The following SESTD1 variants were observed in gnomAD, a reference collection of about 807,000 sequenced individuals.
SESTD1 encodes the protein SEC14 domain and spectrin repeat-containing protein 1.
In SESTD1, 43 loss-of-function variants were observed where a neutral mutation model predicts 101.7. The ratio of observed to expected loss-of-function variants is 0.42; its 90% CI spans 0.33 to 0.55. The LOEUF is 0.55. Ranked by LOEUF, SESTD1 falls within the 20% of genes least tolerant of loss-of-function variation. The probability of loss-of-function intolerance (pLI) is 0.07; values close to 1 mark genes in which losing one functional copy is unlikely to be tolerated. For synonymous variants in SESTD1, 283 were observed against 286.8 expected (o/e 0.99, Z 0.13); for missense variants, 647 against 815.1 (o/e 0.79, Z 2.51).
intron 5 of SESTD1, among the ~76,000 whole-genome samples, chr2:179,157,124 A>C (rs2045647562): frequency 6.6e-6 from 1 of 152,058 alleles, no homozygotes; most frequent in South Asian, 2.1e-4. Context: ...CTTTTACATT[A>C]GCTGCAAAAA....
At chr2:179,238,956 T>C (rs2047109372) in intron 1 of SESTD1, among the ~76,000 whole-genome samples, 1 of 152,222 alleles carries the variant, frequency 6.6e-6, no homozygotes, top group South Asian at 2.1e-4. Context: ...ATACATTAAC[T>C]ACTTACATGC....
intron 1 of SESTD1, among the ~76,000 whole-genome samples, chr2:179,206,500 A>C (rs1046679852): frequency 7.4e-6 from 1 of 135,032 alleles, no homozygotes. Context: ...CCCTGTAGGC[A>C]CTCCTGGTCC....
chr2:179,249,087 T>C lies in SESTD1; in HGVS notation c.-26+15412A>G, dbSNP rs568581168. 8.2e-4 allele frequency among the ~76,000 whole-genome samples: 114 copies of C among 139,578 alleles called. 1 individual carries two copies. Among genetic ancestry groups the C allele is most frequent in the Non-Finnish European group, 1.5e-3 (97 of 65,630 alleles). The allele number at this position is 139,578 out of a possible 152,430, so 91.6% of individuals were successfully genotyped here. A position where few individuals can be genotyped will look rare whatever the true frequency, so the allele number is the denominator to read the frequency against. On this transcript the variant is annotated intron_variant, in intron 1 of 17. Coordinates refer to ENST00000428443, the MANE Select transcript of SESTD1 (RefSeq NM_178123.5). ...GCCTGGGTGACAGAGTGAGATCCCGTCTTTAAGAAAAAAAAAAAAAAAAAA... is the reference window on the plus strand; with the variant it reads ...GCCTGGGTGACAGAGTGAGATCCCGCCTTTAAGAAAAAAAAAAAAAAAAAA...
intron 1 of SESTD1, among the ~76,000 whole-genome samples, chr2:179,244,511 A>C (rs2105549843): frequency 6.6e-6 from 1 of 152,106 alleles, no homozygotes; most frequent in East Asian, 1.9e-4. Context: ...AGGGAGTGGT[A>C]CAATATTTTT....
At chr2:179,110,180 G>A in intron 17 of SESTD1, 152 bp from the exon 18 acceptor site, 2 of 714,174 alleles carry the variant, frequency 2.8e-6, no homozygotes, top group South Asian at 2.5e-5. Context: ...TGTTTGAGCA[G>A]GAAATTCAGC....
At chr2:179,112,929 AAGAG>A (rs561445726) in intron 16 of SESTD1, 84 bp from the exon 17 acceptor site, 10 of 1,462,538 alleles carry the variant, frequency 6.8e-6, no homozygotes, top group African/African-American at 2.9e-5. Flanking sequence ...CACAAAAAAA[AAGAG>A]AGAAAAGAAA....
At chr2:179,165,873 T>A (rs1473576178) in intron 5 of SESTD1, among the ~76,000 whole-genome samples, 1 of 152,176 alleles carries the variant, frequency 6.6e-6, no homozygotes, top group East Asian at 1.9e-4. Flanking sequence ...TGTAGAAAGT[T>A]GGAAAGAGCA....
At chr2:179,217,843 A>C (rs2046747863) in intron 1 of SESTD1, among the ~76,000 whole-genome samples, 1 of 152,210 alleles carries the variant, frequency 6.6e-6, no homozygotes, top group Non-Finnish European at 1.5e-5. Flanking sequence ...ACATGGATGA[A>C]GCTGGAAACC....
intron 10 of SESTD1, among the ~76,000 whole-genome samples, chr2:179,128,046 C>T (rs1408426109): frequency 2.0e-5 from 3 of 152,200 alleles, no homozygotes; most frequent in Non-Finnish European, 4.4e-5. Context: ...GAGCTACCAG[C>T]ATTAGACCAC....
rs188855223 is a variant in SESTD1, at chr2:179,153,199, A to G, written c.370-1808T>C. On this transcript the variant is annotated intron_variant, in intron 5 of 17. Transcript: ENST00000428443. The stretch of plus-strand genomic sequence containing the variant: ...AACTTATCAAAACTGACATAAGAAA[A>G]CAATACCTACAACCAATGAAGTGAA... Among the ~76,000 whole-genome samples the G allele has an allele frequency of 1.5e-3, 225 of 152,296 alleles. 2 individuals are homozygous for G. Among genetic ancestry groups the G allele is most frequent in the African/African-American group, 4.8e-3 (198 of 41,574 alleles).
chr2:179,154,080 C>CAA (rs748598701), intron 5 of SESTD1, among the ~76,000 whole-genome samples: 10,432 of 60,634 alleles, frequency 0.17, 1,819 homozygotes, highest in African/African-American at 0.41. Context: ...CCAATCTCTA[C>CAA]AAAAAAAAAA....
chr2:179,234,724 G>A (rs546554506), intron 1 of SESTD1, among the ~76,000 whole-genome samples: 1 of 152,106 alleles, frequency 6.6e-6, no homozygotes, highest in Non-Finnish European at 1.5e-5. Flanking sequence ...AGCCAGAAAC[G>A]CATAACCTGA....
chr2:179,149,228 A>T, intron 7 of SESTD1, 69 bp downstream of exon 7: 2 of 1,104,564 alleles, frequency 1.8e-6, no homozygotes, highest in Non-Finnish European at 2.6e-6. Flanking sequence ...TGCATTAACA[A>T]TAGAGATATC....
At chr2:179,139,407 TA>T (rs1223062694) in intron 9 of SESTD1, among the ~76,000 whole-genome samples, 1 of 152,108 alleles carries the variant, frequency 6.6e-6, no homozygotes, top group Non-Finnish European at 1.5e-5. Flanking sequence ...TTTATAAAAT[TA>T]ATCAGGGAAG....
chr2:179,132,345 C>T lies in SESTD1; in HGVS notation c.931G>A (p.Ala311Thr), dbSNP rs760267324. The T allele has an allele frequency of 6.4e-7, 1 of 1,563,876 alleles. No individual in the cohort carries two copies. The highest frequency in any genetic ancestry group is 2.2e-5 in the Admixed American group (1 of 44,976). Reference protein sequence around the residue: ...GIGDSIRASQALQQKHEEIES... With the variant: ...GIGDSIRASQTLQQKHEEIES... ...ATCTCTTCGTGTTTCTGCTGTAGGG[C>T]CTGGGAGGCCCTAATGGAGTCTCCA... The change falls in exon 10 of 18, where the codon GCC becomes ACC. Residue 311 changes from alanine (A) to threonine (T), a missense_variant. Physicochemically the swap from Ala to Thr is moderately conservative, Grantham distance 58. This residue lies in a region of SESTD1 where 476 missense variants were observed against 562.6 expected (regional missense o/e 0.85). Coordinates refer to ENST00000428443, the MANE Select transcript of SESTD1 (RefSeq NM_178123.5).
chr2:179,199,413 C>T (rs1347545517), intron 1 of SESTD1, among the ~76,000 whole-genome samples: 2 of 152,102 alleles, frequency 1.3e-5, no homozygotes, highest in Admixed American at 6.5e-5. Context: ...TGAAACTATT[C>T]CAATCAATAG....
At chr2:179,198,772 A>C (rs1392397439) in intron 1 of SESTD1, among the ~76,000 whole-genome samples, 1 of 152,174 alleles carries the variant, frequency 6.6e-6, no homozygotes, top group Admixed American at 6.5e-5. Context: ...ACACAGACAC[A>C]ACATACCAGA....
chr2:179,245,072 C>T (rs1378168605), intron 1 of SESTD1, among the ~76,000 whole-genome samples: 2 of 152,186 alleles, frequency 1.3e-5, no homozygotes, highest in Non-Finnish European at 2.9e-5. Flanking sequence ...TCTAACATCG[C>T]TTGCTGGGTA....
rs1362961490 is a variant in SESTD1 at position 179,104,126 on chromosome 2, C to T, written c.*5773G>A. 6.6e-6 allele frequency: 1 copy of T among 152,072 alleles called. No homozygotes were observed. Among genetic ancestry groups the T allele is most frequent in the Non-Finnish European group, 1.5e-5 (1 of 68,004 alleles). The allele number at this position is 152,072 out of a possible 1,614,324, so 9.4% of individuals were successfully genotyped here. A position where few individuals can be genotyped will look rare whatever the true frequency, so the allele number is the denominator to read the frequency against. ...AATAGTTTTGCTGAGAATTTCATTA[C>T]TGATTTTATGACAGTAAGATCATCA... On this transcript the variant is annotated 3_prime_UTR_variant, in exon 18 of 18. Transcript: ENST00000428443.
Sources: gnomAD v4.1 joint callset for allele counts (sites outside exome capture counted in the v4.1 genomes callset) on GRCh38, gnomAD v4.1.1 for gene constraint, gnomAD v4.1.1 regional missense constraint, MANE v1.5 for transcripts, NCBI Gene and HGNC (gene_info 2026-07-23, HGNC 2026-07-21) for gene names.